The following MRPL22 variants were observed in gnomAD, a reference collection of about 807,000 sequenced individuals.
MRPL22 encodes mitochondrial ribosomal protein L22.
In MRPL22, 27 loss-of-function variants were observed where a neutral mutation model predicts 32.4. The ratio of observed to expected loss-of-function variants is 0.83; its 90% CI spans 0.61 to 1.15. The LOEUF is 1.15. MRPL22 is among the 50% of genes most tolerant of loss of function. MRPL22 has a pLI of 0.00. For missense variants in MRPL22, 239 were observed against 260.2 expected (o/e 0.92, Z 0.56); for synonymous variants, 86 against 87.3 (o/e 0.99, Z 0.08).
At position 154,957,138 on chromosome 5, in the gene MRPL22, C is replaced by G; in HGVS notation, c.265C>G (p.Arg89Gly). The G allele has an allele frequency of 6.2e-7, 1 of 1,610,630 alleles. No individual in the cohort carries two copies. The highest frequency in any genetic ancestry group is 8.5e-7 in the Non-Finnish European group (1 of 1,177,458). The change falls in exon 5 of 7, where the codon CGA becomes GGA. Residue 89 changes from arginine (R) to glycine (G), a missense_variant. Physicochemically the swap from Arg to Gly is moderately radical, Grantham distance 125. Coordinates refer to ENST00000523037, the MANE Select transcript of MRPL22 (RefSeq NM_014180.4). ...GTCTCTCACCCTTTAATTCTAGATA[C>G]GAGGAATGTCTATTGACCAGGCTTT... ...DKMWYLAKLI[R>G]GMSIDQALAQ...
At position 154,957,139 on chromosome 5, in the gene MRPL22, G is replaced by A. The variant is rs758075822; in HGVS notation, c.266G>A (p.Arg89Gln). 8.1e-6 allele frequency: 13 copies of A among 1,611,082 alleles called. No homozygotes were observed. The highest frequency in any genetic ancestry group is 6.7e-5 in the Admixed American group (4 of 59,896). Residue 89 changes from arginine (R) to glutamine (Q), a missense_variant, in exon 5 of 7, where the codon CGA becomes CAA. Coordinates refer to ENST00000523037, the MANE Select transcript of MRPL22 (RefSeq NM_014180.4). ...TCTCTCACCCTTTAATTCTAGATAC[G>A]AGGAATGTCTATTGACCAGGCTTTG... is the stretch of plus-strand genomic sequence containing the variant. ...DKMWYLAKLI[R>Q]GMSIDQALAQ...
At position 154,948,386 on chromosome 5, in the gene MRPL22, C is replaced by T. The variant is rs1318986401; in HGVS notation, c.78-2435C>T. Among the ~76,000 whole-genome samples the T allele has an allele frequency of 5.3e-5, 8 of 152,164 alleles. 1 individual carries two copies. Among genetic ancestry groups the T allele is most frequent in the African/African-American group, 2.4e-5 (1 of 41,454 alleles). On this transcript the variant is annotated intron_variant, in intron 2 of 6. Coordinates refer to ENST00000523037, the MANE Select transcript of MRPL22 (RefSeq NM_014180.4). ...AAACTAATTGATATTTCTGTTAAATCTCTTACTCTGTAGGTTTTTTATTCA... is the reference window on the plus strand; with the variant it reads ...AAACTAATTGATATTTCTGTTAAATTTCTTACTCTGTAGGTTTTTTATTCA...
intron 3 of MRPL22, among the ~76,000 whole-genome samples, chr5:154,953,683 T>G (rs1467417297): frequency 1.4e-5 from 1 of 70,706 alleles, no homozygotes; most frequent in Non-Finnish European, 4.3e-5. Flanking sequence ...AGTAAGAACT[T>G]TTTTTTTTTT....
intron 5 of MRPL22, among the ~76,000 whole-genome samples, chr5:154,958,319 C>T (rs1258062506): frequency 1.3e-5 from 2 of 151,960 alleles, no homozygotes; most frequent in African/African-American, 2.4e-5. Flanking sequence ...TCAGTTAATT[C>T]TCACCAAAAG....
chr5:154,964,581 G>GA, intron 6 of MRPL22, among the ~76,000 whole-genome samples: 1 of 152,282 alleles, frequency 6.6e-6, no homozygotes, highest in Non-Finnish European at 1.5e-5. Context: ...GGATGTTTCA[G>GA]AAAAATTAAT....
intron 6 of MRPL22, among the ~76,000 whole-genome samples, chr5:154,962,910 A>C (rs546908121): frequency 4.1e-4 from 62 of 152,268 alleles, no homozygotes; most frequent in Admixed American, 7.8e-4. Flanking sequence ...TACTAATAGG[A>C]AATATTTGCT....
intron 3 of MRPL22, chr5:154,955,055 A>G (rs1330709184): frequency 1.3e-5 from 2 of 152,162 alleles, no homozygotes; most frequent in African/African-American, 2.4e-5. Context: ...CGGCCTCCCA[A>G]AGTGCTGGGA....
At chr5:154,952,133 G>A (rs1004220620) in intron 3 of MRPL22, among the ~76,000 whole-genome samples, 2 of 151,374 alleles carry the variant, frequency 1.3e-5, no homozygotes, top group East Asian at 1.9e-4. Flanking sequence ...CGCCTGCCTC[G>A]GCCTCCCAAA....
At chr5:154,960,090 G>A (rs766281708) in intron 6 of MRPL22, 41 bp downstream of exon 6, 2 of 1,375,430 alleles carry the variant, frequency 1.5e-6, no homozygotes, top group East Asian at 4.6e-5. Context: ...AATGTCTTCA[G>A]TAGTAATGCC....
chr5:154,950,280 A>G (rs1211370183), intron 2 of MRPL22, among the ~76,000 whole-genome samples: 1 of 152,136 alleles, frequency 6.6e-6, no homozygotes, highest in Non-Finnish European at 1.5e-5. Context: ...CTCCCTCAAC[A>G]TGTATGGATT....
At chr5:154,944,603 T>TAA (rs1256811059) in intron 2 of MRPL22, among the ~76,000 whole-genome samples, 4 of 152,154 alleles carry the variant, frequency 2.6e-5, no homozygotes, top group Non-Finnish European at 5.9e-5. Context: ...GAACAGACAA[T>TAA]AATCCCTTGC....
intron 3 of MRPL22, among the ~76,000 whole-genome samples, chr5:154,954,462 T>G (rs1037374235): frequency 6.6e-6 from 1 of 152,256 alleles, no homozygotes; most frequent in African/African-American, 2.4e-5. Flanking sequence ...ATTTGCTGTA[T>G]AGGTCAGTTA....
intron 6 of MRPL22, among the ~76,000 whole-genome samples, chr5:154,963,007 C>T (rs758274317): frequency 1.2e-4 from 19 of 152,208 alleles, no homozygotes; most frequent in Non-Finnish European, 2.5e-4. Flanking sequence ...GGTGCGATCT[C>T]AGCTCACTGC....
chr5:154,953,681 CTTTTTTTTT>C (rs772873962), intron 3 of MRPL22, among the ~76,000 whole-genome samples: 1 of 107,098 alleles, frequency 9.3e-6, no homozygotes, highest in Non-Finnish European at 1.9e-5. Context: ...CTAGTAAGAA[CTTTTTTTTT>C]TTTTTTTTTT....
chr5:154,941,827 G>A (rs569683512), intron 2 of MRPL22, among the ~76,000 whole-genome samples: 7 of 152,180 alleles, frequency 4.6e-5, no homozygotes, highest in Admixed American at 1.3e-4. Flanking sequence ...TAGGACAAAA[G>A]CATTCATTAA....
At chr5:154,952,789 T>G (rs1764581062) in intron 3 of MRPL22, among the ~76,000 whole-genome samples, 1 of 152,190 alleles carries the variant, frequency 6.6e-6, no homozygotes, top group South Asian at 2.1e-4. Context: ...GCAGCCATTA[T>G]TAAAATTAGT....
In MRPL22 at chr5:154,966,993, G is replaced by T. The variant is rs377261797; in HGVS notation, c.*96G>T. The T allele has an allele frequency of 3.2e-6, 4 of 1,260,758 alleles. No individual in the cohort carries two copies. In the South Asian group the frequency reaches 6.0e-5, roughly 19 times the overall value. The allele number at this position is 1,260,758 out of a possible 1,614,324, so 78.1% of individuals were successfully genotyped here. A position where few individuals can be genotyped will look rare whatever the true frequency, so the allele number is the denominator to read the frequency against. ...CAAATGCTTTTTATGATTTCTCATT[G>T]AATTATTGAAACAGTGTATAACTGC... On this transcript the variant is annotated 3_prime_UTR_variant, in exon 7 of 7. Transcript: ENST00000523037.
chr5:154,943,119 G>A (rs1267637699), intron 2 of MRPL22, among the ~76,000 whole-genome samples: 1 of 152,022 alleles, frequency 6.6e-6, no homozygotes, highest in Non-Finnish European at 1.5e-5. Context: ...CATATAATCT[G>A]ATTCAGTGAT....
Position 154,941,411 on chromosome 5 carries a change from A to G in MRPL22, c.77+146A>G, listed in dbSNP as rs1764413549. 3 of 1,026,492 alleles carry G rather than the reference A, an allele frequency of 2.9e-6. No homozygotes were observed. In the African/African-American group the frequency reaches 4.9e-5, roughly 17 times the overall value. 63.6% of individuals were successfully genotyped at this position (1,026,492 alleles called of 1,614,324 possible). A position where few individuals can be genotyped will look rare whatever the true frequency, so the allele number is the denominator to read the frequency against. On this transcript the variant is annotated intron_variant, in intron 2 of 6. Transcript: ENST00000523037. Reference sequence around the variant, plus strand: ...AGACAGCCCGAGTCTCTGCTTTGTCACTCTATTTTTTCTCCACCTTATTGC... The same window carrying G: ...AGACAGCCCGAGTCTCTGCTTTGTCGCTCTATTTTTTCTCCACCTTATTGC...
Sources: allele counts gnomAD v4.1 joint callset (sites outside exome capture counted in the v4.1 genomes callset), GRCh38; gene constraint gnomAD v4.1.1; transcripts MANE v1.5; gene names NCBI Gene and HGNC (gene_info 2026-07-23, HGNC 2026-07-21).